The following CNTN5 variants were observed in gnomAD, a reference collection of about 807,000 sequenced individuals.
CNTN5 encodes the protein contactin-5.
A neutral mutation model predicts 129.1 loss-of-function variants in CNTN5; 77 were observed. The observed-to-expected ratio is 0.60, with a 90% CI of 0.50 to 0.72. CNTN5 has a LOEUF of 0.72. CNTN5 is among the 30% of genes least tolerant of loss of function. The probability of loss-of-function intolerance (pLI) is 0.00; values close to 1 mark genes in which losing one functional copy is unlikely to be tolerated. For missense variants in CNTN5, 1,478 were observed against 1,328.8 expected (o/e 1.11, Z -1.75); for synonymous variants, 509 against 465.6 (o/e 1.09, Z -1.20).
chr11:99,316,102 G>T (rs1227188835), intron 1 of CNTN5, among the ~76,000 whole-genome samples: 3 of 151,946 alleles, frequency 2.0e-5, no homozygotes, highest in African/African-American at 7.2e-5. Flanking sequence ...TTCTGATTAT[G>T]AACGCGGGTA....
chr11:100,292,939 G>T (rs1480578738), intron 18 of CNTN5, among the ~76,000 whole-genome samples: 1 of 151,806 alleles, frequency 6.6e-6, no homozygotes, highest in African/African-American at 2.4e-5. Flanking sequence ...AAAGGATCCT[G>T]CTCTGTTGAC....
rs139924332 is a variant in CNTN5 at position 100,183,901 on chromosome 11, T to G, written c.1581-7225T>G. 2.3e-3 allele frequency among the ~76,000 whole-genome samples: 344 copies of G among 152,214 alleles called. 3 individuals carry two copies. The highest frequency in any genetic ancestry group is 7.8e-3 in the African/African-American group (324 of 41,552). On this transcript the variant is annotated intron_variant, in intron 13 of 24. Coordinates refer to ENST00000524871, the MANE Select transcript of CNTN5 (RefSeq NM_014361.4). The stretch of plus-strand genomic sequence containing the variant: ...CCCCTCGCCTACCTCTCCAGTCTCA[T>G]CTTTTGCCCCTCCCTGACCATCTCT...
intron 2 of CNTN5, among the ~76,000 whole-genome samples, chr11:99,451,072 A>G (rs965393312): frequency 6.6e-6 from 1 of 152,106 alleles, no homozygotes; most frequent in Admixed American, 6.6e-5. Context: ...TAATCAAAGT[A>G]GGGTTAATTT....
chr11:99,860,949 C>CTTT (rs1327766002), intron 6 of CNTN5, among the ~76,000 whole-genome samples: 2 of 87,412 alleles, frequency 2.3e-5, no homozygotes, highest in African/African-American at 8.9e-5. Context: ...AATATGTCTT[C>CTTT]ATTTTTTTTT....
At chr11:99,917,124 C>G (rs911381665) in intron 7 of CNTN5, among the ~76,000 whole-genome samples, 1 of 151,892 alleles carries the variant, frequency 6.6e-6, no homozygotes, top group South Asian at 2.1e-4. Flanking sequence ...TATTTTTAAT[C>G]GAAAGTATGC....
At chr11:99,419,665 C>T (rs1054022518) in intron 2 of CNTN5, among the ~76,000 whole-genome samples, 1 of 151,974 alleles carries the variant, frequency 6.6e-6, no homozygotes, top group Non-Finnish European at 1.5e-5. Context: ...CTTTTACTTA[C>T]AGTAGATTGA....
intron 3 of CNTN5, among the ~76,000 whole-genome samples, chr11:99,693,505 T>C (rs1176463049): frequency 6.6e-6 from 1 of 151,740 alleles, no homozygotes; most frequent in Non-Finnish European, 1.5e-5. Flanking sequence ...GTAAAGGTTA[T>C]GAAATGAGGC....
chr11:99,460,212 A>G (rs575013713), intron 2 of CNTN5, among the ~76,000 whole-genome samples: 1 of 151,884 alleles, frequency 6.6e-6, no homozygotes, highest in Admixed American at 6.6e-5. Context: ...TTTAAAAATT[A>G]TTTCTTAAAT....
chr11:99,984,280 A>C (rs1938533763), intron 8 of CNTN5, among the ~76,000 whole-genome samples: 1 of 152,074 alleles, frequency 6.6e-6, no homozygotes, highest in South Asian at 2.1e-4. Flanking sequence ...ATCACAAAAA[A>C]AGAGAGAAAG....
At chr11:99,990,539 T>C (rs1272622213) in intron 8 of CNTN5, among the ~76,000 whole-genome samples, 1 of 151,952 alleles carries the variant, frequency 6.6e-6, no homozygotes, top group Non-Finnish European at 1.5e-5. Context: ...TCTAGGTTTT[T>C]TCAATCATCC....
At chr11:99,351,618 G>C (rs1394461) in intron 2 of CNTN5, among the ~76,000 whole-genome samples, 32,103 of 152,060 alleles carry the variant, frequency 0.21, 3,640 homozygotes, top group East Asian at 0.37. Context: ...ACAAACATAA[G>C]ATTCCTAATT....
At chr11:99,910,278 T>G (rs1949624302) in intron 6 of CNTN5, among the ~76,000 whole-genome samples, 1 of 152,080 alleles carries the variant, frequency 6.6e-6, no homozygotes, top group Non-Finnish European at 1.5e-5. Flanking sequence ...CCAAAAACCT[T>G]CATTTTTCTA....
intron 2 of CNTN5, among the ~76,000 whole-genome samples, chr11:99,441,726 G>A (rs1943835684): frequency 6.6e-6 from 1 of 152,126 alleles, no homozygotes; most frequent in Non-Finnish European, 1.5e-5. Flanking sequence ...TTAAGCATGT[G>A]GATATTAAGA....
intron 18 of CNTN5, among the ~76,000 whole-genome samples, chr11:100,273,260 T>A (rs1038242966): frequency 6.6e-6 from 1 of 152,062 alleles, no homozygotes; most frequent in Non-Finnish European, 1.5e-5. Flanking sequence ...GCCTGCACAG[T>A]CTTTCCCCAC....
intron 2 of CNTN5, among the ~76,000 whole-genome samples, chr11:99,506,140 T>A (rs1263086053): frequency 6.6e-6 from 1 of 152,254 alleles, no homozygotes; most frequent in Admixed American, 6.5e-5. Flanking sequence ...GATCTTGGAC[T>A]TTTTGATCCA....
At chr11:99,887,811 C>T (rs1015387683) in intron 6 of CNTN5, among the ~76,000 whole-genome samples, 2 of 152,306 alleles carry the variant, frequency 1.3e-5, no homozygotes, top group Admixed American at 1.3e-4. Flanking sequence ...GTTCTTCCAG[C>T]TTCTTCCGCC....
intron 15 of CNTN5, among the ~76,000 whole-genome samples, chr11:100,212,943 C>G (rs1949062732): frequency 1.3e-5 from 2 of 152,054 alleles, no homozygotes; most frequent in South Asian, 4.2e-4. Flanking sequence ...ACCCTTAGTA[C>G]TGGGAATTTC....
At chr11:100,250,914 G>C (rs1273948253) in intron 16 of CNTN5, among the ~76,000 whole-genome samples, 1 of 152,106 alleles carries the variant, frequency 6.6e-6, no homozygotes, top group Non-Finnish European at 1.5e-5. Context: ...ACTGAGCCTT[G>C]CACATAGGCG....
intron 13 of CNTN5, among the ~76,000 whole-genome samples, chr11:100,165,821 C>G (rs766157493): frequency 1.3e-5 from 2 of 151,582 alleles, no homozygotes; most frequent in Non-Finnish European, 1.5e-5. Flanking sequence ...TTTTGTTAAC[C>G]CCTAAAGCAA....
Sources: allele counts gnomAD v4.1 joint callset (sites outside exome capture counted in the v4.1 genomes callset), GRCh38; gene constraint gnomAD v4.1.1; transcripts MANE v1.5; gene names NCBI Gene and HGNC (gene_info 2026-07-23, HGNC 2026-07-21).